Variants in PCDHA4 observed in about 807,000 individuals in gnomAD.
PCDHA4 encodes the protein protocadherin alpha-4.
A neutral mutation model predicts 61.4 loss-of-function variants in PCDHA4; 49 were observed. The observed-to-expected ratio is 0.80, with a 90% CI of 0.63 to 1.01. PCDHA4 has a LOEUF of 1.01. Ranked by LOEUF, PCDHA4 falls within the 50% of genes least tolerant of loss-of-function variation. The probability of loss-of-function intolerance (pLI) is 0.00; values close to 1 mark genes in which losing one functional copy is unlikely to be tolerated. For missense variants in PCDHA4, 1,254 were observed against 1,235.8 expected, an observed-to-expected ratio of 1.01 and a Z score of -0.22; for synonymous variants, 590 against 550.3, an observed-to-expected ratio of 1.07 and a Z score of -1.01.
At chr5:140,883,190 C>G in intron 1 of PCDHA4, 1 of 1,613,818 alleles carries the variant, frequency 6.2e-7, no homozygotes, top group Non-Finnish European at 8.5e-7. Context: ...AAAAGGCAAA[C>G]TAGATTTCGA....
At chr5:140,919,124 A>G (rs1195742790) in intron 1 of PCDHA4, among the ~76,000 whole-genome samples, 1 of 151,996 alleles carries the variant, frequency 6.6e-6, no homozygotes, top group Non-Finnish European at 1.5e-5. Flanking sequence ...TTTTTGCTTC[A>G]TGTGTTTTGG....
At chr5:140,878,400 A>C (rs1190004888) in intron 1 of PCDHA4, among the ~76,000 whole-genome samples, 2 of 152,218 alleles carry the variant, frequency 1.3e-5, no homozygotes, top group Non-Finnish European at 2.9e-5. Flanking sequence ...TGCTCACAAA[A>C]TATCTTCTTT....
chr5:140,928,733 A>G (rs1435823697), intron 1 of PCDHA4: 2 of 1,614,100 alleles, frequency 1.2e-6, no homozygotes, highest in Non-Finnish European at 1.7e-6. Context: ...ATTTCAGCCA[A>G]TATAGGTGAG....
At chr5:140,866,115 A>G (rs537982409) in intron 1 of PCDHA4, 85 of 152,328 alleles carry the variant, frequency 5.6e-4, no homozygotes, top group African/African-American at 1.9e-3. Flanking sequence ...GAGTTGCCTT[A>G]TAAGAACTAC....
Position 140,938,882 on chromosome 5 carries a change from C to T in PCDHA4, c.2386-40067C>T, listed in dbSNP as rs529115064. On this transcript the variant is annotated intron_variant, in intron 1 of 3. Transcript: ENST00000530339. ...AACTTAAAAGTTAAGAAGCAACACA[C>T]ACACACACAGATGCGCACACACACA... is the stretch of plus-strand genomic sequence containing the variant. Among the ~76,000 whole-genome samples the T allele has an allele frequency of 3.3e-5, 5 of 152,218 alleles. No individual in the cohort carries two copies. The South Asian group carries it at 1.0e-3, about 32-fold the overall frequency.
chr5:140,870,443 T>G (rs1207012137), intron 1 of PCDHA4: 1 of 1,614,094 alleles, frequency 6.2e-7, no homozygotes, highest in Non-Finnish European at 8.5e-7. Flanking sequence ...GTGGCCGACG[T>G]GAACGACAAT....
intron 1 of PCDHA4, among the ~76,000 whole-genome samples, chr5:140,965,384 A>C (rs1275113616): frequency 6.6e-6 from 1 of 152,222 alleles, no homozygotes; most frequent in Non-Finnish European, 1.5e-5. Flanking sequence ...GGGACACAGA[A>C]GAACAGAAGT....
At chr5:141,002,435 C>A (rs958320342) in intron 3 of PCDHA4, among the ~76,000 whole-genome samples, 3 of 152,280 alleles carry the variant, frequency 2.0e-5, no homozygotes, top group South Asian at 2.1e-4. Flanking sequence ...AGGCAATAAC[C>A]ATAATAATTG....
At chr5:140,984,247 C>G (rs1394918677) in intron 3 of PCDHA4, among the ~76,000 whole-genome samples, 2 of 152,138 alleles carry the variant, frequency 1.3e-5, no homozygotes, top group Non-Finnish European at 2.9e-5. Flanking sequence ...GTAGGTCGAC[C>G]TGGTAAGCCA....
intron 1 of PCDHA4, chr5:140,877,179 G>T (rs1554169418): frequency 1.2e-6 from 2 of 1,613,830 alleles, no homozygotes. Flanking sequence ...TGGCGACTCC[G>T]GCTGGCAGCG....
chr5:140,940,940 G>A (rs187772223), intron 1 of PCDHA4, among the ~76,000 whole-genome samples: 2 of 152,254 alleles, frequency 1.3e-5, no homozygotes, highest in Non-Finnish European at 2.9e-5. Context: ...CTTAGACTAC[G>A]TATTCTCAGA....
chr5:140,998,070 G>T (rs2097795700), intron 3 of PCDHA4, among the ~76,000 whole-genome samples: 1 of 152,050 alleles, frequency 6.6e-6, no homozygotes, highest in Admixed American at 6.6e-5. Context: ...AACAGACTTA[G>T]CCTCTGCAGT....
intron 1 of PCDHA4, chr5:140,863,615 T>C (rs1290782399): frequency 1.2e-5 from 4 of 339,092 alleles, no homozygotes; most frequent in South Asian, 4.8e-5. Context: ...ATGTCCCTCA[T>C]AGTGACATTG....
chr5:140,992,757 G>A (rs1345373474), intron 3 of PCDHA4, among the ~76,000 whole-genome samples: 2 of 152,110 alleles, frequency 1.3e-5, no homozygotes, highest in Non-Finnish European at 2.9e-5. Context: ...CCTGTGTTGG[G>A]GATAGGAGGG....
At chr5:140,834,375 T>G in intron 1 of PCDHA4, 2 of 1,560,406 alleles carry the variant, frequency 1.3e-6, no homozygotes, top group South Asian at 2.4e-5. Context: ...AACAAGCCAA[T>G]AATTTGAAAT....
intron 1 of PCDHA4, among the ~76,000 whole-genome samples, chr5:140,818,447 T>C (rs2150101283): frequency 0.059 from 8,929 of 152,300 alleles, 871 homozygotes; most frequent in African/African-American, 0.2. Context: ...TACTGGCTAA[T>C]GTCAAAAGAA....
At chr5:140,834,438 A>G (rs2150217991) in intron 1 of PCDHA4, 1 of 1,606,228 alleles carries the variant, frequency 6.2e-7, no homozygotes, top group South Asian at 1.1e-5. Flanking sequence ...GCTGTTTATT[A>G]TAATTCTAGC....
chr5:140,950,995 C>G (rs1554219713), intron 1 of PCDHA4, among the ~76,000 whole-genome samples: 1 of 151,856 alleles, frequency 6.6e-6, no homozygotes, highest in Non-Finnish European at 1.5e-5. Flanking sequence ...TCTTTTAGCT[C>G]CATTTTTCCC....
At chr5:140,903,871 A>G (rs1382306493) in intron 1 of PCDHA4, among the ~76,000 whole-genome samples, 2 of 152,192 alleles carry the variant, frequency 1.3e-5, no homozygotes, top group Non-Finnish European at 2.9e-5. Context: ...GAGTAAAATG[A>G]CAAAGACATT....
Sources: gnomAD v4.1 joint callset for allele counts (sites outside exome capture counted in the v4.1 genomes callset) on GRCh38, gnomAD v4.1.1 for gene constraint, MANE v1.5 for transcripts, NCBI Gene and HGNC (gene_info 2026-07-23, HGNC 2026-07-21) for gene names.